RECK: variants seen among roughly 807,000 people sequenced by gnomAD.
RECK encodes reversion-inducing cysteine-rich protein with Kazal motifs.
In RECK, 69 loss-of-function variants were observed where a neutral mutation model predicts 115.1. The observed-to-expected ratio is 0.60, with a 90% CI of 0.49 to 0.73. The LOEUF (loss-of-function observed/expected upper bound fraction) is 0.73. Among genes scored for constraint, RECK ranks in the 30% least tolerant of loss-of-function variants. The pLI is 0.00. For synonymous variants in RECK, 414 were observed against 419.7 expected (o/e 0.99, Z 0.17); for missense variants, 1,047 against 1,203.7 (o/e 0.87, Z 1.93).
In RECK at chr9:36,052,274, G is replaced by A; in HGVS notation, c.110G>A (p.Cys37Tyr). 1 of 1,606,264 alleles carries A rather than the reference G, an allele frequency of 6.2e-7. No individual in the cohort carries two copies. The highest frequency in any genetic ancestry group is 8.5e-7 in the Non-Finnish European group (1 of 1,173,084). Residue 37 changes from cysteine (C) to tyrosine (Y), a missense_variant, in exon 2 of 21, where the codon TGT becomes TAT. Transcript: ENST00000377966. ...GLAPGSAGAL[C>Y]CNHSKDNQMC... ...TATTTTTTCTCCCTAGGTGCATTGT[G>A]TTGTAATCATTCAAAGGATAACCAA...
intron 10 of RECK, among the ~76,000 whole-genome samples, chr9:36,093,174 C>T (rs576127862): frequency 6.6e-6 from 1 of 152,122 alleles, no homozygotes; most frequent in Admixed American, 6.6e-5. Flanking sequence ...GAAACTGCCT[C>T]CAGAGGAAGG....
At position 36,108,062 on chromosome 9, in the gene RECK, TATA is replaced by T; in HGVS notation, c.1665_1667del (p.Tyr555_Lys556delinsTer). On this transcript the variant is annotated stop_gained and inframe_deletion, in exon 14 of 21. Coordinates refer to ENST00000377966, the MANE Select transcript of RECK (RefSeq NM_021111.3). LOFTEE classifies it high-confidence loss of function. Reference sequence around the variant, plus strand: ...ATCATCTGCAGGGGAAGTTGGTTGTTATAAAATCTGTTCATGTGGACAAAGTGG... The same window carrying T: ...ATCATCTGCAGGGGAAGTTGGTTGTTAAATCTGTTCATGTGGACAAAGTGG... The T allele has an allele frequency of 6.2e-7, 1 of 1,614,088 alleles. No individual in the cohort carries two copies. The highest frequency in any genetic ancestry group is 8.5e-7 in the Non-Finnish European group (1 of 1,179,920).
In RECK at chr9:36,110,335, G is replaced by A. The variant is rs1256684443; in HGVS notation, c.1888+256G>A. On this transcript the variant is annotated intron_variant, in intron 15 of 20. Coordinates refer to ENST00000377966, the MANE Select transcript of RECK (RefSeq NM_021111.3). ...ATGAGTCAAAAAGAACAGAGCCAGT[G>A]ATTGGAATGGGTTTAATTAAATTGA... Among the ~76,000 whole-genome samples the A allele has an allele frequency of 4.6e-5, 7 of 152,266 alleles. No homozygotes were observed. In the South Asian group the frequency reaches 1.4e-3, roughly 32 times the overall value.
In RECK at chr9:36,105,284, G is replaced by C; in HGVS notation, c.1576+1G>C. The C allele has an allele frequency of 6.2e-7, 1 of 1,613,922 alleles. No homozygotes were observed. Among genetic ancestry groups the C allele is most frequent in the South Asian group, 1.1e-5 (1 of 91,072 alleles). On this transcript the variant is annotated splice_donor_variant, in intron 13 of 20. Coordinates refer to ENST00000377966, the MANE Select transcript of RECK (RefSeq NM_021111.3). LOFTEE classifies it high-confidence loss of function. ...TGTCTTCCATACTTTTGTGTTCAAG[G>C]TAAGAGGTAGGTGGGTGTGAGAAGA...
At chr9:36,062,505 AG>A (rs1167731184) in intron 4 of RECK, among the ~76,000 whole-genome samples, 1 of 144,026 alleles carries the variant, frequency 6.9e-6, no homozygotes, top group Non-Finnish European at 1.5e-5. Flanking sequence ...TTTGAGACAG[AG>A]TCTTGCTGTT....
intron 12 of RECK, among the ~76,000 whole-genome samples, chr9:36,104,303 T>TGC (rs1564130763): frequency 0.022 from 1,401 of 62,596 alleles, 70 homozygotes; most frequent in African/African-American, 0.058. Context: ...TATATATATA[T>TGC]ATATATATAT....
chr9:36,077,196 G>A lies in RECK; in HGVS notation c.406-3409G>A, dbSNP rs181678806. Among the ~76,000 whole-genome samples the A allele has an allele frequency of 3.7e-4, 57 of 152,252 alleles. 1 individual carries two copies. Among genetic ancestry groups the A allele is most frequent in the African/African-American group, 9.4e-4 (39 of 41,544 alleles). ...CATTGGGTGTGGTATTGGTAAGCAGGTCAAAAGAGGCTCCATAGGAGTGAA... is the reference window on the plus strand; with the variant it reads ...CATTGGGTGTGGTATTGGTAAGCAGATCAAAAGAGGCTCCATAGGAGTGAA... On this transcript the variant is annotated intron_variant, in intron 6 of 20. Transcript: ENST00000377966.
intron 1 of RECK, among the ~76,000 whole-genome samples, chr9:36,038,380 A>G (rs1820751901): frequency 1.3e-5 from 2 of 152,186 alleles, no homozygotes; most frequent in Admixed American, 1.3e-4. Flanking sequence ...AGAATAAAAG[A>G]GAAAATGCTG....
intron 2 of RECK, among the ~76,000 whole-genome samples, chr9:36,056,797 A>G (rs977398842): frequency 6.6e-6 from 1 of 152,178 alleles, no homozygotes; most frequent in East Asian, 1.9e-4. Flanking sequence ...TCTTCCCCCA[A>G]AAATGTCTCT....
At position 36,060,204 on chromosome 9, in the gene RECK, G is replaced by A. The variant is rs34164423; in HGVS notation, c.271+49G>A. The stretch of plus-strand genomic sequence containing the variant: ...TAGCACTTAATTTTAAAAACTTACT[G>A]TGTGAATGTAAAATTGGTGTCATTG... On this transcript the variant is annotated intron_variant, in intron 4 of 20. Coordinates refer to ENST00000377966, the MANE Select transcript of RECK (RefSeq NM_021111.3). 5,027 of 1,556,952 alleles carry A rather than the reference G, an allele frequency of 3.2e-3. 16 individuals carry two copies. The highest frequency in any genetic ancestry group is 4.1e-3 in the Non-Finnish European group (4,580 of 1,129,876).
In RECK at chr9:36,100,360, C is replaced by T. The variant is rs1175266938; in HGVS notation, c.1115C>T (p.Ala372Val). ...RPTELFRSCN[A>V]QSDQGAMNDM... is the part of the protein sequence containing the mutation. ...ACAGAACTTTTCAGGAGTTGTAATGCACAGTCAGATCAAGGAGCCATGAAT... is the reference window on the plus strand; with the variant it reads ...ACAGAACTTTTCAGGAGTTGTAATGTACAGTCAGATCAAGGAGCCATGAAT... Residue 372 changes from alanine (A) to valine (V), a missense_variant, in exon 11 of 21, where the codon GCA becomes GTA. Ala to Val is a moderately conservative substitution (Grantham distance 64). Transcript: ENST00000377966. The T allele has an allele frequency of 6.2e-7, 1 of 1,614,026 alleles. No homozygotes were observed. Among genetic ancestry groups the T allele is most frequent in the South Asian group, 1.1e-5 (1 of 91,078 alleles).
intron 1 of RECK, among the ~76,000 whole-genome samples, chr9:36,048,255 A>G (rs1821151929): frequency 6.6e-6 from 1 of 151,230 alleles, no homozygotes; most frequent in African/African-American, 2.4e-5. Flanking sequence ...AATTCTAGAC[A>G]GCTGCTGACA....
At chr9:36,080,512 T>C (rs1822643002) in intron 6 of RECK, 93 bp from the exon 7 acceptor site, 1 of 990,158 alleles carries the variant, frequency 1.0e-6, no homozygotes, top group Non-Finnish European at 1.6e-6. Context: ...ATAGTTTTAA[T>C]ATCATGATTT....
At chr9:36,051,504 G>A (rs887806033) in intron 1 of RECK, among the ~76,000 whole-genome samples, 5 of 152,158 alleles carry the variant, frequency 3.3e-5, no homozygotes, top group South Asian at 4.1e-4. Context: ...TCACCAAGTG[G>A]CTAATTAGTA....
chr9:36,073,236 A>ACC (rs1822310367), intron 6 of RECK, among the ~76,000 whole-genome samples: 2 of 89,322 alleles, frequency 2.2e-5, no homozygotes, highest in Admixed American at 2.1e-4. Context: ...ACACAGACAC[A>ACC]CACAGACACA....
At chr9:36,121,492 ATTC>A (rs772095072) in intron 19 of RECK, 38 bp from the exon 20 acceptor site, 12 of 1,587,478 alleles carry the variant, frequency 7.6e-6, no homozygotes, top group South Asian at 2.2e-5. Context: ...AGTCATAGGA[ATTC>A]TTCTTTTTTT....
Position 36,037,082 on chromosome 9 carries a change from G to C in RECK, c.84G>C (p.Leu28=). Residue 28 remains leucine, a synonymous_variant, in exon 1 of 21, where the codon CTG becomes CTC. Coordinates refer to ENST00000377966, the MANE Select transcript of RECK (RefSeq NM_021111.3). The part of the protein sequence containing the change: ...VAGVAEVAGG[L]APGSAGALCC... ...GGGTCGCGGAGGTGGCAGGGGGCCT[G>C]GCTCCGGGCAGTGCGGGTGAGTAAC... The C allele has an allele frequency of 7.3e-7, 1 of 1,369,912 alleles. No homozygotes were observed. 84.9% of individuals were successfully genotyped at this position (1,369,912 alleles called of 1,614,324 possible).
intron 13 of RECK, among the ~76,000 whole-genome samples, chr9:36,106,318 T>G (rs1823813987): frequency 6.7e-6 from 1 of 148,888 alleles, no homozygotes; most frequent in Admixed American, 6.7e-5. Context: ...CACTGCAACC[T>G]CTACCTCCTG....
intron 13 of RECK, among the ~76,000 whole-genome samples, chr9:36,107,105 CAAAAA>C (rs34425685): frequency 4.9e-5 from 4 of 82,454 alleles, no homozygotes; most frequent in Admixed American, 1.4e-4. Context: ...GACTCCGTCT[CAAAAA>C]AAAAAAAAAA....
Sources: gnomAD v4.1 joint callset for allele counts (sites outside exome capture counted in the v4.1 genomes callset) on GRCh38, gnomAD v4.1.1 for gene constraint, MANE v1.5 for transcripts, NCBI Gene and HGNC (gene_info 2026-07-23, HGNC 2026-07-21) for gene names.